ZSWIM5: variants seen among roughly 807,000 people sequenced by gnomAD.
The protein encoded by ZSWIM5 is zinc finger SWIM domain-containing protein 5.
A neutral mutation model predicts 119.6 loss-of-function variants in ZSWIM5; 55 were observed. The ratio of observed to expected loss-of-function variants is 0.46; its 90% CI spans 0.37 to 0.58. ZSWIM5 has a LOEUF of 0.58. Among genes scored for constraint, ZSWIM5 ranks in the 20% least tolerant of loss-of-function variants. ZSWIM5 has a pLI of 0.00. For missense variants in ZSWIM5, 1,193 were observed against 1,512.8 expected, an observed-to-expected ratio of 0.79 and a Z score of 3.51; for synonymous variants, 537 against 606.9, an observed-to-expected ratio of 0.88 and a Z score of 1.69.
At chr1:45,052,174 C>T (rs550189566) in intron 4 of ZSWIM5, among the ~76,000 whole-genome samples, 23 of 151,684 alleles carry the variant, frequency 1.5e-4, no homozygotes, top group Non-Finnish European at 3.1e-4. Flanking sequence ...TACAGGCATC[C>T]GCCACCATGC....
At chr1:45,144,521 G>A (rs346717) in intron 1 of ZSWIM5, among the ~76,000 whole-genome samples, 22,850 of 152,028 alleles carry the variant, frequency 0.15, 1,781 homozygotes, top group Non-Finnish European at 0.16. Flanking sequence ...GGACAACAGC[G>A]TGAGACCCTG....
chr1:45,185,539 C>CA (rs1646052726), intron 1 of ZSWIM5, among the ~76,000 whole-genome samples: 1 of 151,922 alleles, frequency 6.6e-6, no homozygotes, highest in South Asian at 2.1e-4. Flanking sequence ...ACAAAGAACT[C>CA]AAACAAATTT....
rs555413927 is a variant in ZSWIM5 at position 45,120,363 on chromosome 1, A to G, written c.596-32126T>C. Among the ~76,000 whole-genome samples the G allele has an allele frequency of 2.8e-4, 43 of 152,278 alleles. 1 individual carries two copies. The highest frequency in any genetic ancestry group is 5.9e-4 in the Admixed American group (9 of 15,296). Reference sequence around the variant, plus strand: ...ACAACAAAAACCACACAACACTGCAAATTGACACTAATACATTAATTATAG... The same window carrying G: ...ACAACAAAAACCACACAACACTGCAGATTGACACTAATACATTAATTATAG... On this transcript the variant is annotated intron_variant, in intron 1 of 13. Coordinates refer to ENST00000359600, the MANE Select transcript of ZSWIM5 (RefSeq NM_020883.2).
At chr1:45,185,458 C>A (rs1413727294) in intron 1 of ZSWIM5, among the ~76,000 whole-genome samples, 1 of 151,910 alleles carries the variant, frequency 6.6e-6, no homozygotes, top group Non-Finnish European at 1.5e-5. Context: ...TCAGAGTGAA[C>A]AGGCAACCTA....
In ZSWIM5 at chr1:45,018,788, G is replaced by T; in HGVS notation, c.3224C>A (p.Ser1075Ter). The T allele has an allele frequency of 6.2e-7, 1 of 1,614,240 alleles. No individual in the cohort carries two copies. Among genetic ancestry groups the T allele is most frequent in the Non-Finnish European group, 8.5e-7 (1 of 1,180,036 alleles). The change falls in exon 14 of 14, where the codon TCA (serine) becomes TAA (stop). Residue 1075 changes from serine to a stop codon, truncating the protein, a stop_gained. Transcript: ENST00000359600. LOFTEE classifies it high-confidence loss of function. The surrounding 1 kb of genome is among the most constrained non-coding windows in gnomAD (Gnocchi z 6.7). ...CACTGTGCAGCGTCGTAAGATGTCT[G>T]AAAGCACTGTGGCACAGTGCACACT... ...VKSVHCATVL[S>*]DILRRCTVTA...
intron 1 of ZSWIM5, among the ~76,000 whole-genome samples, chr1:45,193,155 GT>G (rs965978526): frequency 6.6e-6 from 1 of 152,150 alleles, no homozygotes; most frequent in African/African-American, 2.4e-5. Flanking sequence ...GTGCTTCAGA[GT>G]TTCAAAGGGA....
chr1:45,139,509 A>C (rs1570141798), intron 1 of ZSWIM5, among the ~76,000 whole-genome samples: 2 of 121,276 alleles, frequency 1.6e-5, no homozygotes, highest in Admixed American at 9.3e-5. Context: ...AGTCTCAAGC[A>C]ATCTTCCCAC....
chr1:45,198,521 C>G (rs1178540081), intron 1 of ZSWIM5, among the ~76,000 whole-genome samples: 2 of 152,102 alleles, frequency 1.3e-5, no homozygotes, highest in African/African-American at 4.8e-5. Context: ...GAAAGTTAGC[C>G]AAAGCATTAG....
chr1:45,170,086 T>A (rs1376417157), intron 1 of ZSWIM5, among the ~76,000 whole-genome samples: 1 of 152,176 alleles, frequency 6.6e-6, no homozygotes, highest in Non-Finnish European at 1.5e-5. Flanking sequence ...AGCCTATTTA[T>A]ATAACATTGT....
intron 1 of ZSWIM5, among the ~76,000 whole-genome samples, chr1:45,182,631 A>G (rs1241357751): frequency 6.6e-6 from 1 of 152,168 alleles, no homozygotes; most frequent in Non-Finnish European, 1.5e-5. Context: ...TTAAACCAAC[A>G]AAGATCAAAA....
chr1:45,070,200 T>C (rs540053394), intron 2 of ZSWIM5: 42 of 1,414,348 alleles, frequency 3.0e-5, no homozygotes, highest in South Asian at 2.1e-4. Context: ...ATTTACTTTG[T>C]AGGCCAAGAA....
At position 45,070,676 on chromosome 1, in the gene ZSWIM5, G is replaced by C. The variant is rs1645216734; in HGVS notation, c.953-10429C>G. ...TCCCCCAAATTGTCTTTCCATGTTTGTTAGTTCTATCTTCCACAGTATTCC... is the reference window on the plus strand; with the variant it reads ...TCCCCCAAATTGTCTTTCCATGTTTCTTAGTTCTATCTTCCACAGTATTCC... On this transcript the variant is annotated intron_variant, in intron 2 of 13. Transcript: ENST00000359600. Among the ~76,000 whole-genome samples, 5 of 152,000 alleles carry C rather than the reference G, an allele frequency of 3.3e-5. No individual in the cohort carries two copies. In the South Asian group the frequency reaches 1.0e-3, roughly 32 times the overall value.
chr1:45,179,046 A>T (rs1233714327), intron 1 of ZSWIM5, among the ~76,000 whole-genome samples: 1 of 152,138 alleles, frequency 6.6e-6, no homozygotes, highest in African/African-American at 2.4e-5. Context: ...GAAATAAAGG[A>T]AACAATTCCA....
intron 1 of ZSWIM5, among the ~76,000 whole-genome samples, chr1:45,180,786 G>A (rs1242489608): frequency 2.0e-5 from 3 of 151,904 alleles, no homozygotes; most frequent in African/African-American, 2.4e-5. Flanking sequence ...GAAAATCTGC[G>A]GTTCTGCAGA....
At chr1:45,020,836 A>C (rs1644883551) in intron 11 of ZSWIM5, 48 bp from the exon 12 acceptor site, 1 of 1,588,348 alleles carries the variant, frequency 6.3e-7, no homozygotes, top group Non-Finnish European at 8.6e-7. Flanking sequence ...AGTTTTACTA[A>C]ACAGTCAGCT....
At chr1:45,139,376 C>T (rs201310439) in intron 1 of ZSWIM5, among the ~76,000 whole-genome samples, 3,846 of 147,104 alleles carry the variant, frequency 0.026, 220 homozygotes, top group East Asian at 0.23. Flanking sequence ...CTTTTTTTTT[C>T]TCTCTCTCTC....
intron 1 of ZSWIM5, among the ~76,000 whole-genome samples, chr1:45,147,715 T>A (rs1645771329): frequency 6.6e-6 from 1 of 151,990 alleles, no homozygotes; most frequent in African/African-American, 2.4e-5. Flanking sequence ...CTTCTTACTC[T>A]TCCCTTTTCT....
intron 2 of ZSWIM5, 47 bp downstream of exon 2, chr1:45,087,834 G>T: frequency 7.3e-7 from 1 of 1,368,064 alleles, no homozygotes; most frequent in South Asian, 1.4e-5. Flanking sequence ...TGGTGACAGT[G>T]GTGATGAAAA....
intron 2 of ZSWIM5, among the ~76,000 whole-genome samples, chr1:45,074,896 G>A (rs1645247391): frequency 6.6e-6 from 1 of 151,662 alleles, no homozygotes; most frequent in Non-Finnish European, 1.5e-5. Context: ...GTATCCCATA[G>A]GTTTTAGTAT....
Sources: gnomAD v4.1 joint callset for allele counts (sites outside exome capture counted in the v4.1 genomes callset) on GRCh38, gnomAD v4.1.1 for gene constraint, Gnocchi (gnomAD v3.1) non-coding constraint, MANE v1.5 for transcripts, NCBI Gene and HGNC (gene_info 2026-07-23, HGNC 2026-07-21) for gene names.